PPP1R36: variants seen among roughly 807,000 people sequenced by gnomAD.
The protein encoded by PPP1R36 is protein phosphatase 1 regulatory subunit 36, also known as chromosome 14 open reading frame 50.
PPP1R36 carries 47 observed loss-of-function variants against 53.4 expected under a neutral mutation model. That is an observed-to-expected ratio of 0.88 (90% CI 0.70 to 1.12). The LOEUF is 1.12. PPP1R36 is among the 50% of genes most tolerant of loss of function. PPP1R36 has a pLI of 0.00. For missense variants in PPP1R36, 456 were observed against 513.9 expected, an observed-to-expected ratio of 0.89 and a Z score of 1.09; for synonymous variants, 153 against 170.5, an observed-to-expected ratio of 0.90 and a Z score of 0.80.
At chr14:64,550,095 C>T in intron 1 of PPP1R36, 29 bp downstream of exon 1, 3 of 1,547,786 alleles carry the variant, frequency 1.9e-6, no homozygotes, top group Non-Finnish European at 2.6e-6. Context: ...GCCCCCATAC[C>T]CGGGCTGGGC....
At position 64,589,245 on chromosome 14, in the gene PPP1R36, T is replaced by C. The variant is rs901155196; in HGVS notation, c.1176T>C (p.Tyr392=). ...PEENTKSFGR[Y]PSLMENNNMR... ...AAAACACAAAATCATTTGGGAGATA[T>C]CCTTCCTTGATGGAAAACAATAACA... is the stretch of plus-strand genomic sequence containing the variant. Residue 392 remains tyrosine (Y), a synonymous_variant, in exon 12 of 12, where the codon TAT becomes TAC. Coordinates refer to ENST00000298705, the MANE Select transcript of PPP1R36 (RefSeq NM_172365.3). 3 of 1,613,936 alleles carry C rather than the reference T, an allele frequency of 1.9e-6. No homozygotes were observed. Among genetic ancestry groups the C allele is most frequent in the Non-Finnish European group, 2.5e-6 (3 of 1,179,830 alleles).
intron 3 of PPP1R36, among the ~76,000 whole-genome samples, chr14:64,555,443 T>A (rs2080141312): frequency 6.6e-6 from 1 of 152,378 alleles, no homozygotes; most frequent in South Asian, 2.1e-4. Context: ...AAGAATAGTT[T>A]TGTATTTTAT....
intron 8 of PPP1R36, among the ~76,000 whole-genome samples, chr14:64,576,754 T>C (rs1455644893): frequency 1.3e-5 from 2 of 152,250 alleles, no homozygotes; most frequent in East Asian, 3.8e-4. Context: ...GAATACACTC[T>C]TAATGTGTAT....
intron 3 of PPP1R36, among the ~76,000 whole-genome samples, chr14:64,555,469 C>A (rs556375045): frequency 1.6e-4 from 24 of 152,270 alleles, no homozygotes; most frequent in African/African-American, 5.5e-4. Context: ...TGTGGAAAAG[C>A]AGTCAGATTT....
intron 3 of PPP1R36, among the ~76,000 whole-genome samples, chr14:64,558,333 C>T (rs1199842646): frequency 6.6e-6 from 1 of 152,132 alleles, no homozygotes; most frequent in African/African-American, 2.4e-5. Context: ...AATCTCAGCA[C>T]TTCGAAAGCC....
intron 8 of PPP1R36, among the ~76,000 whole-genome samples, chr14:64,577,813 C>G (rs1254652190): frequency 7.1e-6 from 1 of 139,948 alleles, no homozygotes; most frequent in Non-Finnish European, 1.5e-5. Context: ...GCAAACTCTG[C>G]CTTCCGGGTT....
chr14:64,566,819 G>C (rs2080261620), intron 6 of PPP1R36, among the ~76,000 whole-genome samples: 1 of 152,248 alleles, frequency 6.6e-6, no homozygotes, highest in Admixed American at 6.5e-5. Flanking sequence ...GGCAAGTTCA[G>C]AGCTAGGGAA....
In PPP1R36 at chr14:64,552,879, A is replaced by G. The variant is rs760955609; in HGVS notation, c.182+18A>G. The G allele has an allele frequency of 8.0e-5, 129 of 1,605,768 alleles. No individual in the cohort carries two copies. Among genetic ancestry groups the G allele is most frequent in the Non-Finnish European group, 1.1e-4 (129 of 1,172,564 alleles). On this transcript the variant is annotated intron_variant, in intron 3 of 11. Coordinates refer to ENST00000298705, the MANE Select transcript of PPP1R36 (RefSeq NM_172365.3). ...CACCCTCAGTGAGTGTGAGACAGAC[A>G]GTGAGATAGCTTTGGGATTAGACAG... is the stretch of plus-strand genomic sequence containing the variant.
intron 3 of PPP1R36, among the ~76,000 whole-genome samples, chr14:64,558,184 T>C (rs554548539): frequency 6.6e-6 from 1 of 152,146 alleles, no homozygotes; most frequent in African/African-American, 2.4e-5. Flanking sequence ...TACGGATCCA[T>C]AGGGACTAGG....
intron 8 of PPP1R36, among the ~76,000 whole-genome samples, chr14:64,578,917 C>T (rs1005187553): frequency 2.6e-5 from 4 of 152,196 alleles, no homozygotes; most frequent in African/African-American, 9.6e-5. Context: ...CCTTGGAATA[C>T]TCTGCAGCTA....
chr14:64,555,520 A>G (rs931391455), intron 3 of PPP1R36, among the ~76,000 whole-genome samples: 1 of 152,224 alleles, frequency 6.6e-6, no homozygotes, highest in Non-Finnish European at 1.5e-5. Flanking sequence ...AATTAAATGA[A>G]TGTTGGCAGT....
intron 5 of PPP1R36, 35 bp downstream of exon 5, chr14:64,565,489 A>C (rs1383789934): frequency 2.0e-6 from 3 of 1,494,090 alleles, no homozygotes; most frequent in Admixed American, 1.7e-5. Context: ...ACATAAACAT[A>C]CATCTGTACA....
At chr14:64,553,421 C>T (rs1379568352) in intron 3 of PPP1R36, among the ~76,000 whole-genome samples, 3 of 152,028 alleles carry the variant, frequency 2.0e-5, no homozygotes, top group Admixed American at 2.0e-4. Context: ...TTGTTTGTTC[C>T]CAAATTGTTC....
At chr14:64,551,682 C>T (rs1330248033) in intron 2 of PPP1R36, 6 of 456,048 alleles carry the variant, frequency 1.3e-5, no homozygotes, top group Admixed American at 2.3e-5. Flanking sequence ...CAAAGTCATA[C>T]AGCCAGTAAG....
intron 8 of PPP1R36, 85 bp from the exon 9 acceptor site, chr14:64,586,752 C>G (rs2080436596): frequency 3.3e-6 from 3 of 896,410 alleles, no homozygotes; most frequent in Admixed American, 2.3e-5. Flanking sequence ...AGATAATGAC[C>G]CTAACTTTAG....
At chr14:64,568,094 A>G (rs2080274768) in intron 6 of PPP1R36, among the ~76,000 whole-genome samples, 1 of 152,226 alleles carries the variant, frequency 6.6e-6, no homozygotes, top group Non-Finnish European at 1.5e-5. Context: ...AAAAATTAAA[A>G]TTAATTAGTA....
intron 8 of PPP1R36, 151 bp downstream of exon 8, chr14:64,574,740 C>A: frequency 1.4e-6 from 1 of 728,302 alleles, no homozygotes; most frequent in Non-Finnish European, 2.2e-6. Context: ...GTCCCAAACC[C>A]TTGTAATGTC....
chr14:64,569,087 A>G (rs887615499), intron 7 of PPP1R36, among the ~76,000 whole-genome samples: 1 of 152,122 alleles, frequency 6.6e-6, no homozygotes, highest in Non-Finnish European at 1.5e-5. Context: ...ACATCACAGG[A>G]AAAAAAATTC....
chr14:64,554,381 C>T (rs965884152), intron 3 of PPP1R36, among the ~76,000 whole-genome samples: 7 of 152,016 alleles, frequency 4.6e-5, no homozygotes, highest in African/African-American at 1.7e-4. Flanking sequence ...TATCTCCCGA[C>T]CTCAGGTGAT....
Sources: allele counts gnomAD v4.1 joint callset (sites outside exome capture counted in the v4.1 genomes callset), GRCh38; gene constraint gnomAD v4.1.1; transcripts MANE v1.5; gene names NCBI Gene and HGNC (gene_info 2026-07-23, HGNC 2026-07-21).